The following CNGB1 variants were observed in gnomAD, a reference collection of about 807,000 sequenced individuals.
CNGB1 encodes cyclic nucleotide-gated channel beta-1.
A neutral mutation model predicts 151.7 loss-of-function variants in CNGB1; 126 were observed. The ratio of observed to expected loss-of-function variants is 0.83; its 90% CI spans 0.72 to 0.96. The LOEUF is 0.96. Ranked by LOEUF, CNGB1 falls within the 40% of genes least tolerant of loss-of-function variation. CNGB1 has a pLI of 0.00. For missense variants in CNGB1, 1,698 were observed against 1,627.0 expected (o/e 1.04, Z -0.75); for synonymous variants, 623 against 635.1 (o/e 0.98, Z 0.29).
intron 17 of CNGB1, among the ~76,000 whole-genome samples, chr16:57,928,163 C>T (rs972791935): frequency 2.6e-5 from 4 of 152,250 alleles, no homozygotes; most frequent in Non-Finnish European, 5.9e-5. Context: ...TCCAGCTGTA[C>T]ACACAGCCTT....
chr16:57,904,936 A>C (rs566630318), intron 25 of CNGB1, 61 bp from the exon 26 acceptor site: 3 of 1,606,542 alleles, frequency 1.9e-6, no homozygotes, highest in South Asian at 2.2e-5. Flanking sequence ...CGCCCCGAGC[A>C]GTCTGGCTCA....
chr16:57,887,113 T>C (rs1442169967), intron 32 of CNGB1, among the ~76,000 whole-genome samples: 2 of 152,218 alleles, frequency 1.3e-5, no homozygotes, highest in Non-Finnish European at 2.9e-5. Context: ...CTTGAAATCC[T>C]GGCCTGAAGA....
intron 31 of CNGB1, among the ~76,000 whole-genome samples, chr16:57,896,121 C>A (rs1487178448): frequency 6.6e-6 from 1 of 152,088 alleles, no homozygotes; most frequent in Non-Finnish European, 1.5e-5. Context: ...TCAAAGGATG[C>A]TAAAAGCAGT....
In CNGB1 at chr16:57,917,625, T is replaced by TACAC. The variant is rs1405229598; in HGVS notation, c.1958-150_1958-149insGTGT. The TACAC allele has an allele frequency of 1.4e-5, 9 of 641,144 alleles. No homozygotes were observed. In the African/African-American group the frequency reaches 1.4e-4, roughly 10 times the overall value. 39.7% of individuals were successfully genotyped at this position (641,144 alleles called of 1,614,324 possible). ...GTGTGTATGTGTGTGTGTGTGTATA[T>TACAC]ATACACACACACACACACACACACA... On this transcript the variant is annotated intron_variant, in intron 20 of 32. Coordinates refer to ENST00000251102, the MANE Select transcript of CNGB1 (RefSeq NM_001297.5).
intron 16 of CNGB1, among the ~76,000 whole-genome samples, chr16:57,932,738 G>A (rs1183149747): frequency 6.6e-6 from 1 of 151,870 alleles, no homozygotes; most frequent in Non-Finnish European, 1.5e-5. Context: ...CTGCCACCAC[G>A]CCCGGCTAAT....
intron 25 of CNGB1, among the ~76,000 whole-genome samples, chr16:57,908,712 C>A (rs1383238067): frequency 3.3e-5 from 5 of 152,220 alleles, no homozygotes; most frequent in Non-Finnish European, 7.4e-5. Context: ...CCTCGTCCCT[C>A]AAGCCTCCGC....
intron 27 of CNGB1, 118 bp from the exon 28 acceptor site, chr16:57,901,743 AC>A: frequency 1.3e-6 from 1 of 792,096 alleles, no homozygotes; most frequent in South Asian, 1.4e-5. Flanking sequence ...GCCGCATGGA[AC>A]CACTCTGGAT....
chr16:57,947,618 T>A (rs1160878206), intron 14 of CNGB1, among the ~76,000 whole-genome samples: 1 of 152,106 alleles, frequency 6.6e-6, no homozygotes, highest in Non-Finnish European at 1.5e-5. Context: ...TCATTGGAGG[T>A]AAGCAAGTAG....
Position 57,920,638 on chromosome 16 carries a change from T to G in CNGB1, c.1644-94A>C, listed in dbSNP as rs1455843972. 12 of 1,482,868 alleles carry G rather than the reference T, an allele frequency of 8.1e-6. No homozygotes were observed. In the Admixed American group the frequency reaches 1.9e-4, roughly 24 times the overall value. 91.9% of individuals were successfully genotyped at this position (1,482,868 alleles called of 1,614,324 possible). A position where few individuals can be genotyped will look rare whatever the true frequency, so the allele number is the denominator to read the frequency against. On this transcript the variant is annotated intron_variant, in intron 18 of 32. Coordinates refer to ENST00000251102, the MANE Select transcript of CNGB1 (RefSeq NM_001297.5). ...TGTGCAGCGTCTGTGTCCCACCTTC[T>G]GACAGAGCCTGAAGGAGGTAAGTCC...
At chr16:57,909,536 G>T (rs908649831) in intron 25 of CNGB1, among the ~76,000 whole-genome samples, 1 of 152,108 alleles carries the variant, frequency 6.6e-6, no homozygotes, top group African/African-American at 2.4e-5. Context: ...TTACAGGCGT[G>T]CATCACCACG....
chr16:57,901,554 T>C lies in CNGB1; in HGVS notation c.2866A>G (p.Ile956Val), dbSNP rs371370638. 5.0e-6 allele frequency: 8 copies of C among 1,613,926 alleles called. No individual in the cohort carries two copies. In the African/African-American group the frequency reaches 8.0e-5, roughly 16 times the overall value. The change falls in exon 28 of 33, where the codon ATC becomes GTC. Residue 956 changes from isoleucine to valine, a missense_variant. Transcript: ENST00000251102. ...TGAAAGAGTGCGACTTTGCTAACGA[T>C]GTTGTAGTTCACGTCGATGGCGAGG... The part of the protein sequence containing the change: ...LDLAIDVNYN[I>V]VSKVALFQGC...
At chr16:57,899,908 G>A (rs1016747681) in intron 29 of CNGB1, among the ~76,000 whole-genome samples, 10 of 152,282 alleles carry the variant, frequency 6.6e-5, no homozygotes, top group Middle Eastern at 3.4e-3. Context: ...AGCAGAGGGC[G>A]CCCTTCACAC....
intron 31 of CNGB1, among the ~76,000 whole-genome samples, chr16:57,893,173 A>G (rs1472142233): frequency 4.6e-5 from 7 of 152,230 alleles, no homozygotes; most frequent in Non-Finnish European, 1.0e-4. Flanking sequence ...GATACAAGAC[A>G]AGGAGGAAAA....
Position 57,962,822 on chromosome 16 carries a change from A to G in CNGB1, c.412+20T>C, listed in dbSNP as rs1481967315. 1 of 1,612,686 alleles carries G rather than the reference A, an allele frequency of 6.2e-7. No individual in the cohort carries two copies. On this transcript the variant is annotated intron_variant, in intron 6 of 32. Coordinates refer to ENST00000251102, the MANE Select transcript of CNGB1 (RefSeq NM_001297.5). ...CCCTCAGCCCTGCTGCTGAAAAGCC[A>G]TCCTGCCCCTTGTTCTTACCTGTGT...
At chr16:57,960,419 T>C (rs1292056581) in intron 9 of CNGB1, 63 bp downstream of exon 9, 1 of 1,575,366 alleles carries the variant, frequency 6.3e-7, no homozygotes, top group Non-Finnish European at 8.7e-7. Context: ...AGGGCCCAGT[T>C]GATCCCTGAG....
intron 18 of CNGB1, among the ~76,000 whole-genome samples, 188 bp from the exon 19 acceptor site, chr16:57,920,732 G>A (rs763317103): frequency 2.6e-5 from 4 of 152,220 alleles, no homozygotes; most frequent in African/African-American, 4.8e-5. Context: ...AATTCAGTCC[G>A]GGAATAATGC....
intron 14 of CNGB1, among the ~76,000 whole-genome samples, chr16:57,941,221 A>T (rs1333024748): frequency 1.3e-5 from 2 of 152,184 alleles, no homozygotes; most frequent in Non-Finnish European, 2.9e-5. Context: ...AGGACCAGGG[A>T]CTAATGTGAT....
chr16:57,901,304 G>T, intron 29 of CNGB1, 48 bp downstream of exon 29: 2 of 1,579,702 alleles, frequency 1.3e-6, no homozygotes, highest in South Asian at 1.1e-5. Flanking sequence ...TTGAAAGCCA[G>T]GGGGATGGTG....
chr16:57,931,772 C>T lies in CNGB1; in HGVS notation c.1479G>A (p.Pro493=), dbSNP rs1052029. ...ENPPSTVLPP[P]SPAKSDTLIV... ...TAAGGGTGTCTGATTTGGCAGGAGA[C>T]GGTGGCGGCAACACGGTTGAGGGTG... is the stretch of plus-strand genomic sequence containing the variant. Residue 493 remains proline, a synonymous_variant, in exon 17 of 33, where the codon CCG becomes CCA. Coordinates refer to ENST00000251102, the MANE Select transcript of CNGB1 (RefSeq NM_001297.5). 4.0e-3 allele frequency: 6,535 copies of T among 1,614,132 alleles called. 21 individuals carry two copies. Among genetic ancestry groups the T allele is most frequent in the Middle Eastern group, 0.017 (104 of 6,062 alleles).
Sources: gnomAD v4.1 joint callset for allele counts (sites outside exome capture counted in the v4.1 genomes callset) on GRCh38, gnomAD v4.1.1 for gene constraint, MANE v1.5 for transcripts, NCBI Gene and HGNC (gene_info 2026-07-23, HGNC 2026-07-21) for gene names.